The following C8orf34 variants were observed in gnomAD, a reference collection of about 807,000 sequenced individuals.
C8orf34 encodes the protein chromosome 8 open reading frame 34.
A neutral mutation model predicts 68.3 loss-of-function variants in C8orf34; 65 were observed. The observed-to-expected ratio is 0.95, with a 90% CI of 0.78 to 1.17. C8orf34 has a LOEUF of 1.17. Among genes scored for constraint, C8orf34 ranks in the 50% most tolerant of loss-of-function variants. The pLI is 0.00. For synonymous variants in C8orf34, 244 were observed against 241.2 expected, an observed-to-expected ratio of 1.01 and a Z score of -0.11; for missense variants, 664 against 655.4, an observed-to-expected ratio of 1.01 and a Z score of -0.14.
intron 7 of C8orf34, among the ~76,000 whole-genome samples, chr8:68,610,040 A>C (rs191484661): frequency 1.8e-3 from 267 of 152,310 alleles, no homozygotes; most frequent in African/African-American, 6.3e-3. Context: ...ACATTCACTC[A>C]GGAAAAACTA....
At chr8:68,417,044 A>G (rs1809702559) in intron 1 of C8orf34, among the ~76,000 whole-genome samples, 1 of 152,262 alleles carries the variant, frequency 6.6e-6, no homozygotes, top group Middle Eastern at 3.4e-3. Context: ...CTCTCTTGAT[A>G]AAAATGACCC....
At chr8:68,485,724 AAAAT>A (rs1554561963) in intron 4 of C8orf34, among the ~76,000 whole-genome samples, 14 of 147,286 alleles carry the variant, frequency 9.5e-5, no homozygotes, top group African/African-American at 2.7e-4. Flanking sequence ...AAAAAAATAA[AAAAT>A]AAATAAATAA....
intron 7 of C8orf34, among the ~76,000 whole-genome samples, chr8:68,578,945 A>G (rs537668247): frequency 2.6e-5 from 4 of 152,256 alleles, no homozygotes; most frequent in African/African-American, 9.6e-5. Flanking sequence ...TACAAGTATC[A>G]ATCCTCGGCG....
intron 7 of C8orf34, among the ~76,000 whole-genome samples, chr8:68,605,460 G>A (rs1027890933): frequency 6.6e-6 from 1 of 152,092 alleles, no homozygotes; most frequent in Non-Finnish European, 1.5e-5. Flanking sequence ...AAGAAACTAA[G>A]ATGTTCTTCA....
intron 10 of C8orf34, among the ~76,000 whole-genome samples, chr8:68,748,802 G>A (rs36177657): frequency 6.6e-6 from 1 of 152,190 alleles, no homozygotes; most frequent in Non-Finnish European, 1.5e-5. Flanking sequence ...CTGTAAACTA[G>A]TTAAACCATT....
chr8:68,476,533 T>C (rs1812624842), intron 4 of C8orf34, among the ~76,000 whole-genome samples: 1 of 152,220 alleles, frequency 6.6e-6, no homozygotes, highest in Non-Finnish European at 1.5e-5. Flanking sequence ...GTTTTATTGC[T>C]GATACCAGTT....
chr8:68,424,915 A>G (rs748566831), intron 1 of C8orf34, among the ~76,000 whole-genome samples: 2 of 152,074 alleles, frequency 1.3e-5, no homozygotes, highest in African/African-American at 2.4e-5. Flanking sequence ...TAATAATAAT[A>G]ATAATTATAA....
At chr8:68,521,319 G>A (rs756564990) in intron 5 of C8orf34, among the ~76,000 whole-genome samples, 1 of 152,066 alleles carries the variant, frequency 6.6e-6, no homozygotes, top group Admixed American at 6.6e-5. Flanking sequence ...GCTGTGTTTC[G>A]AATTTCTACT....
chr8:68,664,953 G>A (rs892104388), intron 8 of C8orf34, among the ~76,000 whole-genome samples: 2 of 152,198 alleles, frequency 1.3e-5, no homozygotes, highest in African/African-American at 4.8e-5. Context: ...ATTATCCCAT[G>A]TTTTAGAGTG....
In C8orf34 at chr8:68,816,081, CATAAGATT is replaced by C. The variant is rs1301543941; in HGVS notation, c.1609+145_1609+152del. 4.3e-6 allele frequency: 6 copies of C among 1,392,866 alleles called. No individual in the cohort carries two copies. The African/African-American group carries it at 5.9e-5, about 14-fold the overall frequency. The allele number at this position is 1,392,866 out of a possible 1,614,324, so 86.3% of individuals were successfully genotyped here. On this transcript the variant is annotated intron_variant, in intron 13 of 13. Coordinates refer to ENST00000518698, the MANE Select transcript of C8orf34 (RefSeq NM_052958.4). ...AATAGGTTTTTCTCCAAGTATCCTG[CATAAGATT>C]ATAAGATTTCCTAAGAGTGTGTGTG...
chr8:68,776,376 C>A (rs746664967), intron 10 of C8orf34, 23 bp from the exon 11 acceptor site: 2 of 1,598,872 alleles, frequency 1.3e-6, no homozygotes, highest in Non-Finnish European at 1.7e-6. Context: ...ACCTTTTCAA[C>A]CTCTCTTCCT....
chr8:68,560,144 GTTTT>G (rs56070682), intron 7 of C8orf34, among the ~76,000 whole-genome samples: 2 of 144,140 alleles, frequency 1.4e-5, no homozygotes, highest in African/African-American at 5.0e-5. Flanking sequence ...TGATTCTGGT[GTTTT>G]TTTTTTTTTT....
At chr8:68,732,041 A>T (rs1465002017) in intron 10 of C8orf34, among the ~76,000 whole-genome samples, 1 of 152,240 alleles carries the variant, frequency 6.6e-6, no homozygotes, top group Admixed American at 6.5e-5. Flanking sequence ...TTTTGATGTG[A>T]AGGTGTTGGG....
chr8:68,393,063 G>A (rs886760411), intron 1 of C8orf34, among the ~76,000 whole-genome samples: 5 of 152,182 alleles, frequency 3.3e-5, no homozygotes, highest in African/African-American at 1.2e-4. Context: ...GCTGAAGACT[G>A]AAATGGATGT....
intron 1 of C8orf34, among the ~76,000 whole-genome samples, chr8:68,332,115 A>G (rs1378351500): frequency 1.3e-5 from 2 of 151,976 alleles, no homozygotes; most frequent in East Asian, 1.9e-4. Context: ...TCTCGCCATT[A>G]AAGAATTTAA....
intron 10 of C8orf34, among the ~76,000 whole-genome samples, chr8:68,732,844 C>T (rs1822015509): frequency 6.6e-6 from 1 of 152,188 alleles, no homozygotes; most frequent in Admixed American, 6.5e-5. Flanking sequence ...AGACAGATCA[C>T]CTGAGGTCAG....
chr8:68,381,110 G>C (rs1808011887), intron 1 of C8orf34, among the ~76,000 whole-genome samples: 2 of 152,180 alleles, frequency 1.3e-5, no homozygotes, highest in African/African-American at 4.8e-5. Context: ...GAATACTTCA[G>C]TGTTCAGTAT....
chr8:68,537,959 AG>A (rs1307130618), intron 7 of C8orf34, among the ~76,000 whole-genome samples: 1 of 152,154 alleles, frequency 6.6e-6, no homozygotes, highest in African/African-American at 2.4e-5. Flanking sequence ...AAAAATTTCC[AG>A]TGGTAAAAAT....
intron 5 of C8orf34, among the ~76,000 whole-genome samples, chr8:68,502,102 T>C (rs556251215): frequency 6.6e-6 from 1 of 152,324 alleles, no homozygotes; most frequent in African/African-American, 2.4e-5. Flanking sequence ...AGTCTCGCTC[T>C]GTCCCCAGGC....
Sources: allele counts gnomAD v4.1 joint callset (sites outside exome capture counted in the v4.1 genomes callset), GRCh38; gene constraint gnomAD v4.1.1; transcripts MANE v1.5; gene names NCBI Gene and HGNC (gene_info 2026-07-23, HGNC 2026-07-21).